Variants in RERE observed in about 807,000 individuals in gnomAD.
The protein encoded by RERE is arginine-glutamic acid dipeptide repeats protein.
A neutral mutation model predicts 146.1 loss-of-function variants in RERE; 40 were observed. That is an observed-to-expected ratio of 0.27 (90% CI 0.21 to 0.36). The LOEUF is 0.36. Among genes scored for constraint, RERE ranks in the 10% least tolerant of loss-of-function variants. The pLI is 1.00. For missense variants in RERE, 1,933 were observed against 2,138.7 expected, an observed-to-expected ratio of 0.90 and a Z score of 1.90; for synonymous variants, 1,003 against 866.0, an observed-to-expected ratio of 1.16 and a Z score of -2.78.
intron 1 of RERE, among the ~76,000 whole-genome samples, chr1:8,690,434 G>T (rs912914969): frequency 6.6e-5 from 10 of 151,946 alleles, no homozygotes; most frequent in African/African-American, 1.5e-4. Flanking sequence ...GAATTTTGAG[G>T]CAATACAATT....
intron 1 of RERE, among the ~76,000 whole-genome samples, chr1:8,799,821 CT>C (rs59100075): frequency 9.3e-5 from 14 of 149,912 alleles, no homozygotes; most frequent in African/African-American, 1.2e-4. Flanking sequence ...GGTTTTTTTG[CT>C]TTTTTTTAAG....
At chr1:8,622,051 G>A (rs1362319530) in intron 3 of RERE, among the ~76,000 whole-genome samples, 1 of 152,160 alleles carries the variant, frequency 6.6e-6, no homozygotes, top group Non-Finnish European at 1.5e-5. Flanking sequence ...TAAACATACT[G>A]CACCCTACTT....
intron 1 of RERE, among the ~76,000 whole-genome samples, chr1:8,809,157 A>AAAAAAAAAAAAAAAAAAAT (rs985140466): frequency 6.8e-6 from 1 of 146,122 alleles, no homozygotes; most frequent in African/African-American, 2.8e-5. Flanking sequence ...AAAAAAAAAA[A>AAAAAAAAAAAAAAAAAAAT]AAAGTACTGA....
chr1:8,604,419 G>C (rs1646672525), intron 4 of RERE, among the ~76,000 whole-genome samples: 2 of 148,326 alleles, frequency 1.3e-5, no homozygotes, highest in African/African-American at 4.9e-5. Flanking sequence ...AGGTAGAGGT[G>C]GGATAGGAAA....
In RERE at chr1:8,683,881, G is replaced by A. The variant is rs180777374; in HGVS notation, c.-144-27440C>T. Among the ~76,000 whole-genome samples, 1,140 of 152,270 alleles carry A rather than the reference G, an allele frequency of 7.5e-3. 4 individuals carry two copies. Among genetic ancestry groups the A allele is most frequent in the Non-Finnish European group, 0.012 (796 of 68,010 alleles). ...TGCTTGAACCTGGGAGGTGGAGGTT[G>A]CACTGAGCCAAAATGGCACCACTGC... On this transcript the variant is annotated intron_variant, in intron 1 of 22. Coordinates refer to ENST00000400908, the MANE Select transcript of RERE (RefSeq NM_001042681.2).
chr1:8,469,983 A>G (rs1644658691), intron 10 of RERE, among the ~76,000 whole-genome samples: 1 of 152,110 alleles, frequency 6.6e-6, no homozygotes, highest in African/African-American at 2.4e-5. Flanking sequence ...ACAAAACTTT[A>G]TTTCAGATGG....
intron 1 of RERE, among the ~76,000 whole-genome samples, chr1:8,658,029 T>C (rs1427236787): frequency 6.6e-6 from 1 of 152,188 alleles, no homozygotes; most frequent in African/African-American, 2.4e-5. Context: ...TTTAAGCGTC[T>C]GCAATGGGAA....
intron 4 of RERE, among the ~76,000 whole-genome samples, chr1:8,605,408 A>G (rs1309384050): frequency 6.6e-6 from 1 of 152,098 alleles, no homozygotes; most frequent in Non-Finnish European, 1.5e-5. Context: ...CTGGGATTAC[A>G]GATGTGAGCC....
chr1:8,551,726 A>G (rs751648934), intron 6 of RERE, among the ~76,000 whole-genome samples: 4 of 152,124 alleles, frequency 2.6e-5, no homozygotes, highest in Non-Finnish European at 5.9e-5. Context: ...GTGGAACCAG[A>G]TGTGTGTGTT....
At chr1:8,811,500 C>T (rs1230394128) in intron 1 of RERE, among the ~76,000 whole-genome samples, 2 of 152,146 alleles carry the variant, frequency 1.3e-5, no homozygotes, top group Non-Finnish European at 2.9e-5. Context: ...CCCAGCTACT[C>T]GGGAGGCCAA....
intron 4 of RERE, among the ~76,000 whole-genome samples, chr1:8,558,978 TAG>T (rs1365847526): frequency 6.6e-6 from 1 of 151,188 alleles, no homozygotes; most frequent in African/African-American, 2.4e-5. Flanking sequence ...GTATTTTTAG[TAG>T]AGACATGTTT....
chr1:8,484,946 CAAAG>C (rs1644879740), intron 10 of RERE, among the ~76,000 whole-genome samples: 1 of 152,138 alleles, frequency 6.6e-6, no homozygotes, highest in African/African-American at 2.4e-5. Context: ...AATGAACAAA[CAAAG>C]AACAACTGTC....
intron 12 of RERE, among the ~76,000 whole-genome samples, chr1:8,393,883 T>C (rs923398730): frequency 1.3e-5 from 2 of 152,164 alleles, no homozygotes; most frequent in Admixed American, 1.3e-4. Flanking sequence ...AAAACTTCCT[T>C]CATTTTTTGT....
chr1:8,708,050 A>G (rs1639591193), intron 1 of RERE, among the ~76,000 whole-genome samples: 1 of 152,200 alleles, frequency 6.6e-6, no homozygotes, highest in African/African-American at 2.4e-5. Flanking sequence ...AGGGTTCAGT[A>G]TTATCCAGTT....
At chr1:8,386,698 C>G (rs1642692675) in intron 12 of RERE, among the ~76,000 whole-genome samples, 1 of 151,742 alleles carries the variant, frequency 6.6e-6, no homozygotes, top group Non-Finnish European at 1.5e-5. Flanking sequence ...TGATTAGTAA[C>G]CAGGGAAATA....
At chr1:8,615,564 T>TA (rs964809674) in intron 3 of RERE, among the ~76,000 whole-genome samples, 37 of 152,110 alleles carry the variant, frequency 2.4e-4, no homozygotes, top group African/African-American at 7.5e-4. Context: ...TTGAATGAAC[T>TA]AAAAAAAATC....
chr1:8,523,234 C>A (rs2144463), intron 7 of RERE, among the ~76,000 whole-genome samples: 24,849 of 151,822 alleles, frequency 0.16, 2,344 homozygotes, highest in Middle Eastern at 0.28. Flanking sequence ...CAATTAAACA[C>A]AATCAAGTTC....
intron 11 of RERE, among the ~76,000 whole-genome samples, chr1:8,442,787 A>C (rs1043034637): frequency 1.3e-5 from 2 of 152,194 alleles, no homozygotes; most frequent in South Asian, 4.1e-4. Flanking sequence ...GAACTTCTTA[A>C]AAGACTGGTT....
chr1:8,422,893 T>C (rs1024155581), intron 11 of RERE, 86 bp from the exon 12 acceptor site: 1 of 992,212 alleles, frequency 1.0e-6, no homozygotes, highest in African/African-American at 1.6e-5. Context: ...ATCAGCAGAA[T>C]AACAACCACA....
Sources: allele counts gnomAD v4.1 joint callset (sites outside exome capture counted in the v4.1 genomes callset), GRCh38; gene constraint gnomAD v4.1.1; transcripts MANE v1.5; gene names NCBI Gene and HGNC (gene_info 2026-07-23, HGNC 2026-07-21).